The following AGO2 variants were observed in gnomAD, a reference collection of about 807,000 sequenced individuals.
AGO2 encodes the protein protein argonaute-2.
In AGO2, 5 loss-of-function variants were observed where a neutral mutation model predicts 102.3. The ratio of observed to expected loss-of-function variants is 0.05; its 90% CI spans 0.03 to 0.10. The LOEUF is 0.10. Among genes scored for constraint, AGO2 ranks in the 10% least tolerant of loss-of-function variants. AGO2 has a pLI of 1.00. For synonymous variants in AGO2, 449 were observed against 473.1 expected, an observed-to-expected ratio of 0.95 and a Z score of 0.66; for missense variants, 541 against 1,183.7, an observed-to-expected ratio of 0.46 and a Z score of 7.97.
At chr8:140,635,348 G>T in intron 1 of AGO2, 137 bp downstream of exon 1, 1 of 531,580 alleles carries the variant, frequency 1.9e-6, no homozygotes, top group Non-Finnish European at 2.4e-6. Flanking sequence ...CGCGGCCCCG[G>T]CTCGCCCGCC....
chr8:140,561,022 A>C (rs2073191337), intron 4 of AGO2, among the ~76,000 whole-genome samples: 1 of 152,318 alleles, frequency 6.6e-6, no homozygotes, highest in African/African-American at 2.4e-5. Flanking sequence ...TGGGCTCCCC[A>C]GGTAGGCTCC....
chr8:140,641,867 G>A, the AGO2 span, among the ~76,000 whole-genome samples: 1 of 152,144 alleles, frequency 6.6e-6, no homozygotes, highest in African/African-American at 2.4e-5. Flanking sequence ...ATCAGGCCTG[G>A]CCTAAAAGTA....
intron 17 of AGO2, among the ~76,000 whole-genome samples, chr8:140,533,801 C>T (rs994333072): frequency 1.3e-5 from 2 of 151,374 alleles, no homozygotes; most frequent in African/African-American, 2.4e-5. Context: ...AGTGAGACTC[C>T]GTCTAAAAAA....
Position 140,557,327 on chromosome 8 carries a change from G to T in AGO2, c.879-91C>A, listed in dbSNP as rs909759862. The T allele has an allele frequency of 2.1e-6, 3 of 1,458,972 alleles. No homozygotes were observed. Among genetic ancestry groups the T allele is most frequent in the Middle Eastern group, 2.5e-4 (1 of 3,942 alleles). The allele number at this position is 1,458,972 out of a possible 1,614,324, so 90.4% of individuals were successfully genotyped here. A position where few individuals can be genotyped will look rare whatever the true frequency, so the allele number is the denominator to read the frequency against. On this transcript the variant is annotated intron_variant, in intron 7 of 18. Coordinates refer to ENST00000220592, the MANE Select transcript of AGO2 (RefSeq NM_012154.5). The surrounding 1 kb of genome is among the most constrained non-coding windows in gnomAD (Gnocchi z 5.9). The stretch of plus-strand genomic sequence containing the variant: ...ATTTGCGTTTGCTTTTTAGGGTGAC[G>T]TGTGAGGAGCAAACATTCAGAGCAC...
At chr8:140,610,072 G>A (rs999868008) in intron 1 of AGO2, among the ~76,000 whole-genome samples, 4 of 149,770 alleles carry the variant, frequency 2.7e-5, no homozygotes, top group African/African-American at 9.8e-5. Context: ...AGGTATGGTG[G>A]TGCACACCCG....
chr8:140,610,627 G>T (rs1299962583), intron 1 of AGO2, among the ~76,000 whole-genome samples: 1 of 152,216 alleles, frequency 6.6e-6, no homozygotes. Context: ...TTTTCACCAT[G>T]AGCAGGGAGC....
intron 11 of AGO2, among the ~76,000 whole-genome samples, chr8:140,549,727 A>G (rs1292332108): frequency 6.6e-6 from 1 of 152,240 alleles, no homozygotes; most frequent in Non-Finnish European, 1.5e-5. Context: ...GGAGGTTTTC[A>G]GCTCACTGTC....
At chr8:140,602,333 G>GA (rs2073944523) in intron 1 of AGO2, among the ~76,000 whole-genome samples, 1 of 152,096 alleles carries the variant, frequency 6.6e-6, no homozygotes, top group African/African-American at 2.4e-5. Flanking sequence ...ATTATAAAGG[G>GA]AAAAAACTGT....
chr8:140,601,257 G>A (rs1588496376), intron 1 of AGO2, among the ~76,000 whole-genome samples: 1 of 152,176 alleles, frequency 6.6e-6, no homozygotes, highest in Admixed American at 6.5e-5. Flanking sequence ...AAATCCCTGC[G>A]GTTTGCTCAC....
rs563739397 is a variant in AGO2, at chr8:140,557,399, T to C, written c.879-163A>G. On this transcript the variant is annotated intron_variant, in intron 7 of 18. Coordinates refer to ENST00000220592, the MANE Select transcript of AGO2 (RefSeq NM_012154.5). The surrounding 1 kb of genome is among the most constrained non-coding windows in gnomAD (Gnocchi z 5.9). ...CATGTGCTTTGGGTTATCTGGAATG[T>C]TTCTGAGCCCCTAAATTCTCATTTT... is the stretch of plus-strand genomic sequence containing the variant. Among the ~76,000 whole-genome samples, 1 of 152,314 alleles carries C rather than the reference T, an allele frequency of 6.6e-6. No individual in the cohort carries two copies. Among genetic ancestry groups the C allele is most frequent in the East Asian group, 1.9e-4 (1 of 5,192 alleles).
intron 5 of AGO2, 65 bp downstream of exon 5, chr8:140,560,309 G>T: frequency 6.4e-7 from 1 of 1,574,532 alleles, no homozygotes. Flanking sequence ...CCCCCGACCG[G>T]GGTCCTGACC....
At chr8:140,558,126 C>T (rs909910644) in intron 7 of AGO2, among the ~76,000 whole-genome samples, 3 of 152,190 alleles carry the variant, frequency 2.0e-5, no homozygotes, top group Non-Finnish European at 4.4e-5. Context: ...TGATGGGACA[C>T]GCGGACTGGC....
chr8:140,602,504 G>A (rs1379609278), intron 1 of AGO2, among the ~76,000 whole-genome samples: 4 of 152,292 alleles, frequency 2.6e-5, no homozygotes, highest in East Asian at 3.9e-4. Flanking sequence ...TCACGGTGGC[G>A]TTAGAAAACC....
In AGO2 at chr8:140,523,600, A is replaced by C. The variant is rs1039054809; in HGVS notation, c.*8444T>G. On this transcript the variant is annotated 3_prime_UTR_variant, in exon 19 of 19. Transcript: ENST00000220592. ...TTCTCTCAAAACTTTTTAAAAAATA[A>C]AAACTTGCTTGCCTCTACAGTTATA... is the stretch of plus-strand genomic sequence containing the variant. The C allele has an allele frequency of 6.6e-6, 1 of 152,202 alleles. No homozygotes were observed. The highest frequency in any genetic ancestry group is 1.5e-5 in the Non-Finnish European group (1 of 68,038). 9.4% of individuals were successfully genotyped at this position (152,202 alleles called of 1,614,324 possible).
At chr8:140,597,886 G>A (rs1235725937) in intron 1 of AGO2, among the ~76,000 whole-genome samples, 1 of 152,158 alleles carries the variant, frequency 6.6e-6, no homozygotes, top group African/African-American at 2.4e-5. Flanking sequence ...TCATCACCGG[G>A]CTGTTGCGTC....
chr8:140,554,747 A>G (rs989767961), intron 10 of AGO2, among the ~76,000 whole-genome samples: 2 of 152,056 alleles, frequency 1.3e-5, no homozygotes, highest in Non-Finnish European at 2.9e-5. Flanking sequence ...GCTTGAGTGC[A>G]GTGGTGTGAT....
rs1286382644 is a variant in AGO2, at chr8:140,539,523, G to A, written c.2035-69C>T. On this transcript the variant is annotated intron_variant, in intron 15 of 18. Coordinates refer to ENST00000220592, the MANE Select transcript of AGO2 (RefSeq NM_012154.5). This position sits in a 1 kb window ranked among gnomAD's most constrained non-coding sequence, Gnocchi z 4.7. ...GCATGTGAGCAACGGTCCCACGTGC[G>A]GGTTCTGGGTTGAGAACACCCAGCC... The A allele has an allele frequency of 9.2e-6, 14 of 1,527,300 alleles. No homozygotes were observed. Among genetic ancestry groups the A allele is most frequent in the Non-Finnish European group, 9.8e-6 (11 of 1,127,100 alleles). 94.6% of individuals were successfully genotyped at this position (1,527,300 alleles called of 1,614,324 possible).
chr8:140,542,035 A>G (rs2072808393), intron 14 of AGO2, among the ~76,000 whole-genome samples: 1 of 152,224 alleles, frequency 6.6e-6, no homozygotes, highest in African/African-American at 2.4e-5. Flanking sequence ...AGAAACTACA[A>G]GCACATCAAC....
At chr8:140,606,048 C>G (rs61065904) in intron 1 of AGO2, among the ~76,000 whole-genome samples, 1 of 152,180 alleles carries the variant, frequency 6.6e-6, no homozygotes, top group Non-Finnish European at 1.5e-5. Flanking sequence ...GTTGCTTTTT[C>G]GTAATTATAA....
Sources: gnomAD v4.1 joint callset for allele counts (sites outside exome capture counted in the v4.1 genomes callset) on GRCh38, gnomAD v4.1.1 for gene constraint, Gnocchi (gnomAD v3.1) non-coding constraint, MANE v1.5 for transcripts, NCBI Gene and HGNC (gene_info 2026-07-23, HGNC 2026-07-21) for gene names.